Variants in ULK1 observed in about 807,000 individuals in gnomAD.
ULK1 encodes serine/threonine-protein kinase ULK1.
ULK1 carries 48 observed loss-of-function variants against 117.5 expected under a neutral mutation model. The ratio of observed to expected loss-of-function variants is 0.41; its 90% CI spans 0.32 to 0.52. ULK1 has a LOEUF of 0.52. Ranked by LOEUF, ULK1 falls within the 20% of genes least tolerant of loss-of-function variation. ULK1 has a pLI of 0.29. For missense variants in ULK1, 1,387 were observed against 1,473.4 expected (o/e 0.94, Z 0.96); for synonymous variants, 790 against 637.8 (o/e 1.24, Z -3.60).
chr12:131,906,540 C>T, intron 3 of ULK1: 1 of 296,230 alleles, frequency 3.4e-6, no homozygotes, highest in East Asian at 7.9e-5. Flanking sequence ...GTCTTTGATC[C>T]TGGGCTGAGG....
chr12:131,916,325 C>T, intron 19 of ULK1, 73 bp from the exon 20 acceptor site: 4 of 1,521,754 alleles, frequency 2.6e-6, no homozygotes, highest in Non-Finnish European at 3.5e-6. Context: ...GCGGACTCGG[C>T]CCCTTCCCCA....
intron 22 of ULK1, among the ~76,000 whole-genome samples, chr12:131,917,795 C>T (rs947815087): frequency 2.0e-5 from 3 of 152,218 alleles, no homozygotes; most frequent in Non-Finnish European, 4.4e-5. Flanking sequence ...GGTAGGCGCT[C>T]GTTCCCATTT....
chr12:131,914,077 G>A (rs1593270064), intron 15 of ULK1, among the ~76,000 whole-genome samples: 1 of 4,438 alleles, frequency 2.3e-4, no homozygotes, highest in Non-Finnish European at 1.2e-3. Flanking sequence ...CAGCACAGTC[G>A]AGCCTGTAGG....
At chr12:131,915,017 C>T (rs1193189957) in intron 16 of ULK1, 66 bp from the exon 17 acceptor site, 4 of 1,503,818 alleles carry the variant, frequency 2.7e-6, no homozygotes, top group South Asian at 1.4e-5. Flanking sequence ...TCCCCAGGTC[C>T]TCTGCCGTCC....
rs377292381 is a variant in ULK1 at position 131,921,411 on chromosome 12, G to C, written c.*50G>C. The C allele has an allele frequency of 5.0e-6, 8 of 1,597,862 alleles. No homozygotes were observed. The Admixed American group carries it at 1.3e-4, about 27-fold the overall frequency. On this transcript the variant is annotated 3_prime_UTR_variant, in exon 28 of 28. Transcript: ENST00000321867. ...CGTCCTGCCGAGCCCTGCAGAGTGG[G>C]CTCTGTGTGCTGGCTGGACTCCTCG... is the stretch of plus-strand genomic sequence containing the variant.
chr12:131,906,591 C>T (rs1889286751), intron 3 of ULK1: 1 of 463,926 alleles, frequency 2.2e-6, no homozygotes. Flanking sequence ...CACACACCTG[C>T]CCACACACCT....
At chr12:131,919,665 G>A (rs2136414349) in intron 25 of ULK1, 75 bp downstream of exon 25, 2 of 1,528,540 alleles carry the variant, frequency 1.3e-6, no homozygotes, top group Non-Finnish European at 1.8e-6. Context: ...GGGTGACAGG[G>A]TAACAGGGAG....
intron 26 of ULK1, chr12:131,920,682 G>GC (rs1179820845): frequency 2.9e-5 from 6 of 204,926 alleles, no homozygotes; most frequent in Non-Finnish European, 5.9e-5. Context: ...TTCCCAAGAT[G>GC]CTGGGTATTA....
intron 8 of ULK1, 69 bp from the exon 9 acceptor site, chr12:131,909,706 C>T: frequency 6.9e-7 from 1 of 1,446,400 alleles, no homozygotes; most frequent in South Asian, 1.3e-5. Flanking sequence ...GGGACGAACG[C>T]ACCGAGACCC....
In ULK1 at chr12:131,920,156, C is replaced by CAG; in HGVS notation, c.2961+21_2961+22dup. ...CAGATGGTACGGGACAGACAGACACCAGTGGGGCAGGGGCCAGGAACTTCC... is the reference window on the plus strand; with the variant it reads ...CAGATGGTACGGGACAGACAGACACCAGAGTGGGGCAGGGGCCAGGAACTTCC... On this transcript the variant is annotated intron_variant, in intron 26 of 27. Coordinates refer to ENST00000321867, the MANE Select transcript of ULK1 (RefSeq NM_003565.4). 3.7e-6 allele frequency: 6 copies of CAG among 1,604,870 alleles called. No homozygotes were observed. Among genetic ancestry groups the CAG allele is most frequent in the South Asian group, 1.1e-5 (1 of 90,892 alleles).
Position 131,903,321 on chromosome 12 carries a change from T to C in ULK1, c.247-3571T>C, listed in dbSNP as rs959733324. 1.3e-5 allele frequency among the ~76,000 whole-genome samples: 2 copies of C among 152,194 alleles called. No homozygotes were observed. Among genetic ancestry groups the C allele is most frequent in the Non-Finnish European group, 2.9e-5 (2 of 68,012 alleles). On this transcript the variant is annotated intron_variant, in intron 3 of 27. Transcript: ENST00000321867. The surrounding 1 kb of genome is among the most constrained non-coding windows in gnomAD (Gnocchi z 6.0). ...CCGGGGACACAGAGGGTGACTGGCT[T>C]GGCATTGGCACTGGGCAGAGTGAGG...
intron 10 of ULK1, 68 bp from the exon 11 acceptor site, chr12:131,910,186 T>A: frequency 9.4e-6 from 15 of 1,600,184 alleles, no homozygotes; most frequent in Non-Finnish European, 1.1e-5. Flanking sequence ...GCTCAGGCCG[T>A]GGGGAGGCAG....
chr12:131,911,850 T>G, intron 12 of ULK1, 92 bp from the exon 13 acceptor site: 1 of 1,573,750 alleles, frequency 6.4e-7, no homozygotes, highest in Non-Finnish European at 8.7e-7. Flanking sequence ...CGATCTTTAC[T>G]GGGGCTCTGG....
rs548914174 is a variant in ULK1 at position 131,903,588 on chromosome 12, T to C, written c.247-3304T>C. Among the ~76,000 whole-genome samples the C allele has an allele frequency of 1.3e-5, 2 of 152,126 alleles. No homozygotes were observed. The highest frequency in any genetic ancestry group is 2.9e-5 in the Non-Finnish European group (2 of 68,014). On this transcript the variant is annotated intron_variant, in intron 3 of 27. Transcript: ENST00000321867. This position sits in a 1 kb window ranked among gnomAD's most constrained non-coding sequence, Gnocchi z 6.0. ...ATGCCCACAGCCCTGAGGGCCTGTCTGAAGCTGTCATCTGTCCCAGGGGAG... is the reference window on the plus strand; with the variant it reads ...ATGCCCACAGCCCTGAGGGCCTGTCCGAAGCTGTCATCTGTCCCAGGGGAG...
At chr12:131,895,849 CTGGGGA>C in intron 3 of ULK1, 25 bp downstream of exon 3, 1 of 1,613,834 alleles carries the variant, frequency 6.2e-7, no homozygotes, top group East Asian at 2.2e-5. Context: ...CTGCGGTCTG[CTGGGGA>C]CCGGGCTGGG....
At position 131,921,506 on chromosome 12, in the gene ULK1, G is replaced by A; in HGVS notation, c.*145G>A. ...GGCCCCACGGACAGTCAGCCTGCCGGCCTCCCTGCAGCTCACGGGGCAGAA... is the reference window on the plus strand; with the variant it reads ...GGCCCCACGGACAGTCAGCCTGCCGACCTCCCTGCAGCTCACGGGGCAGAA... On this transcript the variant is annotated 3_prime_UTR_variant, in exon 28 of 28. Coordinates refer to ENST00000321867, the MANE Select transcript of ULK1 (RefSeq NM_003565.4). 1 of 1,258,802 alleles carries A rather than the reference G, an allele frequency of 7.9e-7. No homozygotes were observed. The highest frequency in any genetic ancestry group is 1.5e-5 in the African/African-American group (1 of 68,324). 78.0% of individuals were successfully genotyped at this position (1,258,802 alleles called of 1,614,324 possible).
chr12:131,906,500 G>A (rs1889281983), intron 3 of ULK1: 1 of 225,556 alleles, frequency 4.4e-6, no homozygotes, highest in South Asian at 6.5e-5. Flanking sequence ...GGGATTACAG[G>A]TGTGAGCCAC....
In ULK1 at chr12:131,916,970, G is replaced by A. The variant is rs139789462; in HGVS notation, c.2090G>A (p.Arg697His). 5.0e-6 allele frequency: 8 copies of A among 1,611,510 alleles called. No homozygotes were observed. Among genetic ancestry groups the A allele is most frequent in the African/African-American group, 1.3e-5 (1 of 74,732 alleles). The change falls in exon 21 of 28, where the codon CGC (arginine) becomes CAC (histidine). Residue 697 changes from arginine to histidine, a missense_variant. Physicochemically the swap from Arg to His is conservative, Grantham distance 29 (BLOSUM62 0). This residue lies in a region of ULK1 where 900 missense variants were observed against 858.9 expected (regional missense o/e 1.05). Transcript: ENST00000321867. ...TCCCACAGGTCTTTCAGCACCAGCCGCCTCACTGACCTGCTCCTTAAGGCG... is the reference window on the plus strand; with the variant it reads ...TCCCACAGGTCTTTCAGCACCAGCCACCTCACTGACCTGCTCCTTAAGGCG... ...GPFGRSFSTSRLTDLLLKAAF... is the reference protein window; with the variant it reads ...GPFGRSFSTSHLTDLLLKAAF...
chr12:131,900,230 A>G (rs1203854796), intron 3 of ULK1, among the ~76,000 whole-genome samples: 1 of 151,836 alleles, frequency 6.6e-6, no homozygotes, highest in Non-Finnish European at 1.5e-5. Flanking sequence ...CTTGAAAGGT[A>G]GGTGTCCTTT....
Sources: gnomAD v4.1 joint callset for allele counts (sites outside exome capture counted in the v4.1 genomes callset) on GRCh38, gnomAD v4.1.1 for gene constraint, gnomAD v4.1.1 regional missense constraint, Gnocchi (gnomAD v3.1) non-coding constraint, MANE v1.5 for transcripts, NCBI Gene and HGNC (gene_info 2026-07-23, HGNC 2026-07-21) for gene names.